Variants in PRPF18 observed in about 807,000 individuals in gnomAD.
The protein encoded by PRPF18 is pre-mRNA-splicing factor 18.
A neutral mutation model predicts 46.5 loss-of-function variants in PRPF18; 38 were observed. The observed-to-expected ratio is 0.82, with a 90% CI of 0.63 to 1.07. The LOEUF is 1.07. Among genes scored for constraint, PRPF18 ranks in the 50% least tolerant of loss-of-function variants. PRPF18 has a pLI of 0.00. For synonymous variants in PRPF18, 152 were observed against 146.7 expected (o/e 1.04, Z -0.26); for missense variants, 263 against 410.0 (o/e 0.64, Z 3.10).
chr10:13,633,382 G>C (rs2134136654), downstream of PRPF18, among the ~76,000 whole-genome samples: 1 of 152,288 alleles, frequency 6.6e-6, no homozygotes, highest in Middle Eastern at 3.4e-3. Context: ...CAGCACTTCA[G>C]AGCACTCTAG....
chr10:13,588,592 A>AG (rs1296980780), intron 1 of PRPF18, among the ~76,000 whole-genome samples: 1 of 151,922 alleles, frequency 6.6e-6, no homozygotes, highest in East Asian at 1.9e-4. Context: ...AAAAAAAAAA[A>AG]AAGTAATAAA....
chr10:13,641,905 G>A, the PRPF18 span: 85,818 of 151,994 alleles, frequency 0.56, 24,574 homozygotes, highest in East Asian at 0.79. Flanking sequence ...CAATTAGCTC[G>A]TGGGGATAAA....
At chr10:13,603,841 T>C (rs563557443) in intron 3 of PRPF18, among the ~76,000 whole-genome samples, 6 of 152,332 alleles carry the variant, frequency 3.9e-5, no homozygotes, top group African/African-American at 1.4e-4. Context: ...GGTGACTGAC[T>C]CTAGAAACCA....
At chr10:13,607,657 C>T (rs1303870692) in intron 4 of PRPF18, among the ~76,000 whole-genome samples, 6 of 152,140 alleles carry the variant, frequency 3.9e-5, no homozygotes, top group Admixed American at 1.3e-4. Flanking sequence ...GGGATCCTCC[C>T]GCCTTGGCCT....
At chr10:13,607,186 G>C (rs1488477234) in intron 4 of PRPF18, among the ~76,000 whole-genome samples, 1 of 152,090 alleles carries the variant, frequency 6.6e-6, no homozygotes, top group African/African-American at 2.4e-5. Flanking sequence ...CAACCTCCTG[G>C]GCTTAAGCAG....
intron 3 of PRPF18, among the ~76,000 whole-genome samples, chr10:13,601,218 G>A (rs1216452993): frequency 6.6e-6 from 1 of 152,108 alleles, no homozygotes; most frequent in Non-Finnish European, 1.5e-5. Context: ...AACATTTCTA[G>A]AAGCATGATT....
chr10:13,597,611 A>T, intron 2 of PRPF18, 76 bp downstream of exon 2: 1 of 1,603,490 alleles, frequency 6.2e-7, no homozygotes. Context: ...AATGACAATC[A>T]TTGATCTCTG....
rs781224013 is a variant in PRPF18, at chr10:13,614,001, T to C, written c.721-14T>C. 3.2e-6 allele frequency: 5 copies of C among 1,567,306 alleles called. No individual in the cohort carries two copies. Among genetic ancestry groups the C allele is most frequent in the Non-Finnish European group, 4.3e-6 (5 of 1,153,670 alleles). ...ACATAGTAGCTTCCAAAATTTCTTATTTATTTTTTTCAGAATCTTCCTGCT... is the reference window on the plus strand; with the variant it reads ...ACATAGTAGCTTCCAAAATTTCTTACTTATTTTTTTCAGAATCTTCCTGCT... On this transcript the variant is annotated splice_polypyrimidine_tract_variant and intron_variant, in intron 7 of 9. Transcript: ENST00000378572.
intron 9 of PRPF18, among the ~76,000 whole-genome samples, chr10:13,618,221 G>A (rs999128904): frequency 1.3e-5 from 2 of 152,152 alleles, no homozygotes; most frequent in African/African-American, 4.8e-5. Flanking sequence ...CTTGACAGAC[G>A]AGAGAGAAGG....
intron 9 of PRPF18, among the ~76,000 whole-genome samples, chr10:13,628,449 C>T (rs940855698): frequency 2.0e-5 from 3 of 152,172 alleles, no homozygotes; most frequent in Non-Finnish European, 4.4e-5. Flanking sequence ...CTATGCACAT[C>T]CTCCTGTATA....
the PRPF18 span, chr10:13,654,395 G>T: frequency 2.7e-6 from 4 of 1,477,054 alleles, no homozygotes; most frequent in Non-Finnish European, 3.8e-6. Flanking sequence ...ACACAGTGAA[G>T]AACATAGAAG....
intron 1 of PRPF18, among the ~76,000 whole-genome samples, chr10:13,589,880 A>G (rs1465755468): frequency 6.6e-6 from 1 of 152,184 alleles, no homozygotes; most frequent in Non-Finnish European, 1.5e-5. Context: ...AAGCTTGTTC[A>G]TATTTGTAAA....
At chr10:13,621,439 C>T (rs558520667) in intron 9 of PRPF18, among the ~76,000 whole-genome samples, 2 of 152,288 alleles carry the variant, frequency 1.3e-5, no homozygotes, top group East Asian at 3.9e-4. Context: ...GAGGCTGTCG[C>T]TTCTCTCGGG....
At chr10:13,634,268 A>G (rs999916376), downstream of PRPF18, among the ~76,000 whole-genome samples, 7 of 152,192 alleles carry the variant, frequency 4.6e-5, no homozygotes, top group African/African-American at 1.7e-4. Flanking sequence ...CACTCTCACT[A>G]GGCCACTTCC....
the PRPF18 span, chr10:13,647,577 C>T: frequency 1.3e-5 from 2 of 151,944 alleles, no homozygotes; most frequent in Admixed American, 1.3e-4. Context: ...GTGAGTTTTC[C>T]CTATAGTGAA....
the PRPF18 span, chr10:13,654,636 G>C: frequency 5.4e-5 from 35 of 649,240 alleles, no homozygotes; most frequent in African/African-American, 6.0e-4. Context: ...GGGATGCTGG[G>C]AAGGACCCCA....
intron 2 of PRPF18, among the ~76,000 whole-genome samples, chr10:13,597,871 C>T (rs372485630): frequency 1.9e-4 from 29 of 152,002 alleles, no homozygotes; most frequent in Admixed American, 3.3e-4. Context: ...TCCTCTCCCC[C>T]ACCTCTCCCA....
At chr10:13,651,683 A>G in the PRPF18 span, 2 of 556,852 alleles carry the variant, frequency 3.6e-6, no homozygotes, top group Non-Finnish European at 6.4e-6. Flanking sequence ...AAAACAAAAC[A>G]TACTCTGGGG....
chr10:13,616,652 G>A (rs1388043703), intron 9 of PRPF18, 99 bp downstream of exon 9: 33 of 1,459,784 alleles, frequency 2.3e-5, no homozygotes, highest in Non-Finnish European at 2.6e-5. Flanking sequence ...ACAGCAAATA[G>A]AACATAGCGT....
Sources: gnomAD v4.1 joint callset for allele counts (sites outside exome capture counted in the v4.1 genomes callset) on GRCh38, gnomAD v4.1.1 for gene constraint, MANE v1.5 for transcripts, NCBI Gene and HGNC (gene_info 2026-07-23, HGNC 2026-07-21) for gene names.